The following MAJIN variants were observed in gnomAD, a reference collection of about 807,000 sequenced individuals.
MAJIN encodes membrane anchored junction protein, also known as membrane-anchored junction protein.
A neutral mutation model predicts 30.2 loss-of-function variants in MAJIN; 27 were observed. The ratio of observed to expected loss-of-function variants is 0.89; its 90% CI spans 0.66 to 1.23. MAJIN has a LOEUF of 1.23. MAJIN is among the 50% of genes most tolerant of loss of function. The pLI is 0.00. For synonymous variants in MAJIN, 78 were observed against 91.6 expected (o/e 0.85, Z 0.85); for missense variants, 253 against 260.3 (o/e 0.97, Z 0.19).
chr11:64,963,498 T>C (rs1945758752), intron 1 of MAJIN, among the ~76,000 whole-genome samples: 1 of 152,174 alleles, frequency 6.6e-6, no homozygotes, highest in South Asian at 2.1e-4. Flanking sequence ...ATAAAGTCTT[T>C]CACAGTGTTG....
At position 64,938,483 on chromosome 11, in the gene MAJIN, C is replaced by A. The variant is rs1490960572; in HGVS notation, c.*92G>T. The A allele has an allele frequency of 1.3e-6, 2 of 1,521,194 alleles. No individual in the cohort carries two copies. Among genetic ancestry groups the A allele is most frequent in the South Asian group, 2.4e-5 (2 of 83,770 alleles). 94.2% of individuals were successfully genotyped at this position (1,521,194 alleles called of 1,614,324 possible). A position where few individuals can be genotyped will look rare whatever the true frequency, so the allele number is the denominator to read the frequency against. Reference sequence around the variant, plus strand: ...AGGAAGAATGGCTCGGGAGGAGTCACTACAAGAGATGATCCTCTTTCCAGC... The same window carrying A: ...AGGAAGAATGGCTCGGGAGGAGTCAATACAAGAGATGATCCTCTTTCCAGC... On this transcript the variant is annotated 3_prime_UTR_variant, in exon 11 of 11. Coordinates refer to ENST00000301896, the MANE Select transcript of MAJIN (RefSeq NM_001037225.3).
chr11:64,960,868 G>T (rs977647139), intron 1 of MAJIN, among the ~76,000 whole-genome samples: 1 of 152,200 alleles, frequency 6.6e-6, no homozygotes, highest in Non-Finnish European at 1.5e-5. Flanking sequence ...GATCTTGGCT[G>T]CCTGAGATTA....
chr11:64,958,875 T>C (rs1945678514), intron 3 of MAJIN, among the ~76,000 whole-genome samples: 1 of 152,088 alleles, frequency 6.6e-6, no homozygotes, highest in African/African-American at 2.4e-5. Context: ...TCCATCCACC[T>C]TGGCCTCCCA....
At chr11:64,941,259 A>G (rs936203875) in intron 8 of MAJIN, among the ~76,000 whole-genome samples, 3 of 152,240 alleles carry the variant, frequency 2.0e-5, no homozygotes, top group African/African-American at 7.2e-5. Context: ...AGTACCTACT[A>G]TTACCAAGGA....
rs1590712017 is a variant in MAJIN at position 64,970,437 on chromosome 11, G to C, written c.-65+1440C>G. Among the ~76,000 whole-genome samples the C allele has an allele frequency of 2.4e-5, 3 of 127,334 alleles. 1 individual carries two copies. The highest frequency in any genetic ancestry group is 1.6e-5 in the Non-Finnish European group (1 of 62,342). The allele number at this position is 127,334 out of a possible 152,430, so 83.5% of individuals were successfully genotyped here. A position where few individuals can be genotyped will look rare whatever the true frequency, so the allele number is the denominator to read the frequency against. On this transcript the variant is annotated intron_variant, in intron 1 of 10. Transcript: ENST00000301896. ...GCTGGAGTGCAATGGTGCGATCTTG[G>C]CTCACTGCAACCTCCACCTCCTGGG...
At chr11:64,940,426 G>C in intron 9 of MAJIN, 148 bp downstream of exon 9, 1 of 734,860 alleles carries the variant, frequency 1.4e-6, no homozygotes. Context: ...CCAGACCAGA[G>C]GATGGCTAAC....
chr11:64,954,368 T>C (rs1945599320), intron 4 of MAJIN: 1 of 359,776 alleles, frequency 2.8e-6, no homozygotes, highest in African/African-American at 2.1e-5. Context: ...GCCTTGTCTG[T>C]GTATTTACAG....
intron 1 of MAJIN, among the ~76,000 whole-genome samples, chr11:64,966,356 G>A (rs1171345505): frequency 6.6e-6 from 1 of 151,662 alleles, no homozygotes; most frequent in Non-Finnish European, 1.5e-5. Context: ...CCAACATGGT[G>A]AAACTCTGTC....
rs138661710 is a variant in MAJIN, at chr11:64,946,806, T to C, written c.473+568A>G. Among the ~76,000 whole-genome samples, 253 of 152,248 alleles carry C rather than the reference T, an allele frequency of 1.7e-3. 2 individuals carry two copies. The highest frequency in any genetic ancestry group is 5.6e-3 in the African/African-American group (232 of 41,536). On this transcript the variant is annotated intron_variant, in intron 8 of 10. Transcript: ENST00000301896. ...GACTCATTTTGTTCCTGATAGAGAA[T>C]TGAAAGAAGAACATAAGTAGCCTCC...
rs767001120 is a variant in MAJIN at position 64,947,826 on chromosome 11, T to G, written c.350-7A>C. ...CTGTCACTTATTGGTTTCCCTACAATAGGAAATTTGAGTGTCATAATAGAT... is the reference window on the plus strand; with the variant it reads ...CTGTCACTTATTGGTTTCCCTACAAGAGGAAATTTGAGTGTCATAATAGAT... On this transcript the variant is annotated splice_polypyrimidine_tract_variant and splice_region_variant and intron_variant, in intron 6 of 10. Coordinates refer to ENST00000301896, the MANE Select transcript of MAJIN (RefSeq NM_001037225.3). 5.6e-6 allele frequency: 9 copies of G among 1,608,016 alleles called. No homozygotes were observed. The highest frequency in any genetic ancestry group is 7.7e-6 in the Non-Finnish European group (9 of 1,175,742).
intron 8 of MAJIN, among the ~76,000 whole-genome samples, chr11:64,946,370 A>G (rs1321283286): frequency 6.6e-6 from 1 of 152,214 alleles, no homozygotes; most frequent in Non-Finnish European, 1.5e-5. Flanking sequence ...GGTTTGAGAA[A>G]GTGAAAATGT....
chr11:64,947,858 C>CTTTTTT, intron 6 of MAJIN, 39 bp from the exon 7 acceptor site: 1 of 1,216,254 alleles, frequency 8.2e-7, no homozygotes, highest in Non-Finnish European at 1.1e-6. Flanking sequence ...AGATTTAAGA[C>CTTTTTT]TTTTTTTTTT....
At chr11:64,961,066 T>C (rs17146515) in intron 1 of MAJIN, among the ~76,000 whole-genome samples, 6,952 of 152,304 alleles carry the variant, frequency 0.046, 183 homozygotes, top group Middle Eastern at 0.065. Context: ...GTTTTAGTGC[T>C]AGATGACTCT....
chr11:64,970,958 G>C (rs1945891147), intron 1 of MAJIN, among the ~76,000 whole-genome samples: 1 of 152,206 alleles, frequency 6.6e-6, no homozygotes, highest in Non-Finnish European at 1.5e-5. Flanking sequence ...GGTGGGTATA[G>C]ACCAGAGGAG....
At chr11:64,953,312 T>C (rs947546215) in intron 4 of MAJIN, among the ~76,000 whole-genome samples, 19 of 152,290 alleles carry the variant, frequency 1.2e-4, no homozygotes, top group African/African-American at 4.6e-4. Flanking sequence ...CTTCTCATAG[T>C]AATTACTCAA....
rs746066444 is a variant in MAJIN at position 64,950,349 on chromosome 11, G to T, written c.223+6C>A. The T allele has an allele frequency of 1.6e-6, 2 of 1,259,936 alleles. No homozygotes were observed. The highest frequency in any genetic ancestry group is 1.6e-5 in the African/African-American group (1 of 60,678). 78.0% of individuals were successfully genotyped at this position (1,259,936 alleles called of 1,614,324 possible). A position where few individuals can be genotyped will look rare whatever the true frequency, so the allele number is the denominator to read the frequency against. On this transcript the variant is annotated splice_donor_region_variant and intron_variant, in intron 5 of 10. Transcript: ENST00000301896. The stretch of plus-strand genomic sequence containing the variant: ...CATCTCAAAAAAAAAAAAAAAAAAA[G>T]GATACAGGGAAATACAATGAAGTGT...
intron 1 of MAJIN, among the ~76,000 whole-genome samples, chr11:64,960,372 A>C: frequency 6.6e-6 from 1 of 152,170 alleles, no homozygotes; most frequent in Non-Finnish European, 1.5e-5. Flanking sequence ...TTACTTACAC[A>C]ATAACAACTC....
chr11:64,964,147 T>C (rs1357527503), intron 1 of MAJIN, among the ~76,000 whole-genome samples: 3 of 152,190 alleles, frequency 2.0e-5, no homozygotes, highest in Non-Finnish European at 4.4e-5. Context: ...TTTCACCATG[T>C]TGGCCAGCCT....
At chr11:64,946,453 C>T (rs1340950189) in intron 8 of MAJIN, among the ~76,000 whole-genome samples, 1 of 152,188 alleles carries the variant, frequency 6.6e-6, no homozygotes, top group Non-Finnish European at 1.5e-5. Context: ...AGATCTGAGA[C>T]CTCATTTGCA....
Sources: gnomAD v4.1 joint callset for allele counts (sites outside exome capture counted in the v4.1 genomes callset) on GRCh38, gnomAD v4.1.1 for gene constraint, MANE v1.5 for transcripts, NCBI Gene and HGNC (gene_info 2026-07-23, HGNC 2026-07-21) for gene names.